Variants in MAPK10 observed in about 807,000 individuals in gnomAD.
MAPK10 encodes the protein JNK3 alpha protein kinase.
A neutral mutation model predicts 59.3 loss-of-function variants in MAPK10; 25 were observed. The ratio of observed to expected loss-of-function variants is 0.42; its 90% CI spans 0.31 to 0.59. The LOEUF (loss-of-function observed/expected upper bound fraction) is 0.59, where lower values mean the gene tolerates loss of function less well. MAPK10 is among the 20% of genes least tolerant of loss of function. The pLI is 0.15. For synonymous variants in MAPK10, 190 were observed against 200.5 expected (o/e 0.95, Z 0.44); for missense variants, 351 against 568.9 (o/e 0.62, Z 3.90).
At chr4:86,060,097 G>A (rs1428278666) in intron 11 of MAPK10, among the ~76,000 whole-genome samples, 1 of 152,188 alleles carries the variant, frequency 6.6e-6, no homozygotes, top group East Asian at 1.9e-4. Flanking sequence ...CACTGGCCAT[G>A]AAGCTTGGCC....
chr4:86,449,901 C>A (rs1750506697), intron 1 of MAPK10, among the ~76,000 whole-genome samples: 1 of 152,158 alleles, frequency 6.6e-6, no homozygotes, highest in South Asian at 2.1e-4. Context: ...TGGCTAATTG[C>A]CAGCAACAAA....
intron 1 of MAPK10, among the ~76,000 whole-genome samples, chr4:86,359,284 CTCTCTGTGTGTGTGTGTGTGTGTGTG>C (rs1736129253): frequency 7.5e-6 from 1 of 132,882 alleles, no homozygotes; most frequent in African/African-American, 3.1e-5. Flanking sequence ...CTCTCTCTCT[CTCTCTGTGTGTGTGTGTGTGTGTGTG>C]TGTGTGTGTG....
chr4:86,364,504 C>G (rs1737515474), upstream of MAPK10, among the ~76,000 whole-genome samples: 1 of 152,284 alleles, frequency 6.6e-6, no homozygotes, highest in South Asian at 2.1e-4. Context: ...AGATTCCAAC[C>G]TTCCACATAT....
At chr4:86,334,286 T>G (rs1237292334) in intron 2 of MAPK10, among the ~76,000 whole-genome samples, 2 of 152,144 alleles carry the variant, frequency 1.3e-5, no homozygotes, top group Non-Finnish European at 2.9e-5. Context: ...TCCTTACTGT[T>G]TTTGAGAACA....
chr4:86,440,093 G>T lies in MAPK10; in HGVS notation c.-122+12937C>A, dbSNP rs561990694. Among the ~76,000 whole-genome samples the T allele has an allele frequency of 2.6e-5, 4 of 152,244 alleles. No homozygotes were observed. In the East Asian group the frequency reaches 7.7e-4, roughly 29 times the overall value. On this transcript the variant is annotated intron_variant, in intron 1 of 13. Transcript: ENST00000361569. Reference sequence around the variant, plus strand: ...TTCAAGATATTTAATCACCAAAACAGCACAGGCACTAAACAACCAGAGTAG... The same window carrying T: ...TTCAAGATATTTAATCACCAAAACATCACAGGCACTAAACAACCAGAGTAG...
At chr4:86,320,257 A>G (rs2095863815) in intron 2 of MAPK10, among the ~76,000 whole-genome samples, 1 of 152,194 alleles carries the variant, frequency 6.6e-6, no homozygotes, top group Non-Finnish European at 1.5e-5. Context: ...CTCCCAATCT[A>G]TAGTTCAGAA....
chr4:86,485,567 CA>C lies in MAPK10; in HGVS notation c.-263+108342del, dbSNP rs1753925714. 2.0e-5 allele frequency among the ~76,000 whole-genome samples: 3 copies of C among 151,946 alleles called. No homozygotes were observed. The South Asian group carries it at 6.2e-4, about 32-fold the overall frequency. ...TAGTTAAACAAGGAAGGAAATAAAC[CA>C]AAAGGAATCAGGAGTCTTAATGAGT... On this transcript the variant is annotated intron_variant, in intron 1 of 4. Transcript: ENST00000502302.
intron 2 of MAPK10, among the ~76,000 whole-genome samples, chr4:86,296,558 T>C (rs1434118999): frequency 6.6e-6 from 1 of 152,172 alleles, no homozygotes; most frequent in Non-Finnish European, 1.5e-5. Context: ...AAAATATGTA[T>C]ATAGGAAAAA....
At chr4:86,184,843 C>T (rs2077788487) in intron 3 of MAPK10, among the ~76,000 whole-genome samples, 1 of 152,158 alleles carries the variant, frequency 6.6e-6, no homozygotes, top group African/African-American at 2.4e-5. Context: ...CCTCTTTTCT[C>T]TATAAATTAC....
intron 5 of MAPK10, among the ~76,000 whole-genome samples, chr4:86,105,680 G>T (rs1466102309): frequency 6.6e-6 from 1 of 151,914 alleles, no homozygotes; most frequent in Admixed American, 6.6e-5. Flanking sequence ...GGCTAATCTT[G>T]CACTTACCTT....
upstream of MAPK10, among the ~76,000 whole-genome samples, chr4:86,456,862 A>G (rs1287582357): frequency 3.3e-5 from 5 of 152,196 alleles, no homozygotes; most frequent in Non-Finnish European, 5.9e-5. Flanking sequence ...CAAAAAAGAC[A>G]ACTACAGACC....
At chr4:86,358,287 CTG>C in intron 1 of MAPK10, 1 of 985,368 alleles carries the variant, frequency 1.0e-6, no homozygotes, top group Non-Finnish European at 1.2e-6. Flanking sequence ...GATAAGCATT[CTG>C]TGTTATCTTC....
chr4:86,031,627 C>T, intron 11 of MAPK10, 196 bp from the exon 12 acceptor site: 1 of 503,820 alleles, frequency 2.0e-6, no homozygotes, highest in Non-Finnish European at 3.5e-6. Context: ...GCAATATTTG[C>T]TGCTGACCCA....
chr4:86,242,911 T>C (rs912935653), intron 2 of MAPK10, among the ~76,000 whole-genome samples: 3 of 152,192 alleles, frequency 2.0e-5, no homozygotes, highest in Admixed American at 2.0e-4. Flanking sequence ...CCGAAGAATC[T>C]GCGCATTCTG....
chr4:86,255,591 G>A (rs1208342955), intron 2 of MAPK10, among the ~76,000 whole-genome samples: 3 of 152,070 alleles, frequency 2.0e-5, no homozygotes, highest in Non-Finnish European at 1.5e-5. Context: ...ATCTTATTTT[G>A]AATGTTAAAT....
intron 9 of MAPK10, chr4:86,080,758 G>GACA (rs986271788): frequency 6.6e-6 from 1 of 151,844 alleles, no homozygotes; most frequent in Non-Finnish European, 1.5e-5. Flanking sequence ...TTTAAGTCAG[G>GACA]ACAACAACTA....
At position 86,052,231 on chromosome 4, in the gene MAPK10, C is replaced by T. The variant is rs369064066; in HGVS notation, c.1110+12035G>A. On this transcript the variant is annotated intron_variant, in intron 11 of 13. Coordinates refer to ENST00000641462, the MANE Select transcript of MAPK10 (RefSeq NM_138982.4). The stretch of plus-strand genomic sequence containing the variant: ...TTTTAATACAAATTTTAAAATTACC[C>T]GAAGACAATAAATTATTTCCTAAAA... 4.1e-4 allele frequency among the ~76,000 whole-genome samples: 63 copies of T among 152,002 alleles called. 1 individual carries two copies. The highest frequency in any genetic ancestry group is 8.3e-4 in the South Asian group (4 of 4,818).
chr4:86,053,122 A>G (rs182001433), intron 11 of MAPK10, among the ~76,000 whole-genome samples: 18 of 152,332 alleles, frequency 1.2e-4, no homozygotes. Flanking sequence ...ACCTTTAGGA[A>G]CTTAAGCAGG....
intron 1 of MAPK10, among the ~76,000 whole-genome samples, chr4:86,399,552 G>A (rs982203955): frequency 1.3e-5 from 2 of 152,064 alleles, no homozygotes; most frequent in African/African-American, 4.8e-5. Flanking sequence ...TTCTTTTGCT[G>A]TGCAGAAGCT....
Sources: gnomAD v4.1 joint callset for allele counts (sites outside exome capture counted in the v4.1 genomes callset) on GRCh38, gnomAD v4.1.1 for gene constraint, MANE v1.5 for transcripts, NCBI Gene and HGNC (gene_info 2026-07-23, HGNC 2026-07-21) for gene names.